The following PHIP variants were observed in gnomAD, a reference collection of about 807,000 sequenced individuals.
PHIP encodes the protein PHIP subunit of CUL4-Ring ligase complex, also known as PH-interacting protein.
In PHIP, 54 loss-of-function variants were observed where a neutral mutation model predicts 236.8. The ratio of observed to expected loss-of-function variants is 0.23; its 90% confidence interval spans 0.18 to 0.29. The LOEUF is 0.29. Among genes scored for constraint, PHIP ranks in the 10% least tolerant of loss-of-function variants. The probability of loss-of-function intolerance (pLI) is 1.00; values close to 1 mark genes in which losing one functional copy is unlikely to be tolerated. For synonymous variants in PHIP, 756 were observed against 718.9 expected, an observed-to-expected ratio of 1.05 and a Z score of -0.83; for missense variants, 1,370 against 2,190.8, an observed-to-expected ratio of 0.63 and a Z score of 7.48.
chr6:78,946,302 T>A (rs771053990), intron 37 of PHIP, 42 bp from the exon 38 acceptor site: 3 of 1,547,962 alleles, frequency 1.9e-6, no homozygotes, highest in Admixed American at 2.0e-5. Flanking sequence ...TATAGCTCTA[T>A]GTGAACGAAT....
chr6:78,997,506 G>A lies in PHIP; in HGVS notation c.2109C>T (p.Ser703=), dbSNP rs1202164994. ...TGGCTATTTCACTTCTTGGTGCGTT[G>A]CTGTGCATTTGCCGTACACCTTCAA... ...GQIEGVRQMH[S]NAPRSEIATE... Residue 703 remains serine (S), a synonymous_variant, in exon 19 of 40, where the codon AGC becomes AGT. Transcript: ENST00000275034. 6.2e-7 allele frequency: 1 copy of A among 1,613,976 alleles called. No homozygotes were observed. Among genetic ancestry groups the A allele is most frequent in the East Asian group, 2.2e-5 (1 of 44,862 alleles).
At chr6:79,007,657 T>G (rs1410980831) in intron 15 of PHIP, among the ~76,000 whole-genome samples, 2 of 67,332 alleles carry the variant, frequency 3.0e-5, no homozygotes, top group African/African-American at 6.8e-5. Flanking sequence ...TCTTGTTCTT[T>G]TTTTTTTTTT....
At chr6:78,994,089 A>G (rs753311404) in intron 19 of PHIP, among the ~76,000 whole-genome samples, 53 of 152,216 alleles carry the variant, frequency 3.5e-4, no homozygotes, top group Non-Finnish European at 2.5e-4. Flanking sequence ...AAGTTACTGT[A>G]GATGTAATGG....
intron 12 of PHIP, 114 bp from the exon 13 acceptor site, chr6:79,016,756 T>A (rs1321999653): frequency 1.6e-6 from 1 of 609,314 alleles, no homozygotes; most frequent in African/African-American, 1.9e-5. Flanking sequence ...TTATGCAGCA[T>A]TCTAATAACT....
chr6:79,076,984 C>T (rs1774192885), intron 4 of PHIP, among the ~76,000 whole-genome samples: 1 of 152,212 alleles, frequency 6.6e-6, no homozygotes, highest in Non-Finnish European at 1.5e-5. Context: ...TTGTGAAATG[C>T]TAATGCCACT....
At position 79,015,627 on chromosome 6, in the gene PHIP, C is replaced by T; in HGVS notation, c.1389+3G>A. 1 of 1,583,926 alleles carries T rather than the reference C, an allele frequency of 6.3e-7. No homozygotes were observed. The highest frequency in any genetic ancestry group is 1.4e-5 in the African/African-American group (1 of 73,224). Reference sequence around the variant, plus strand: ...TCAAATAAAGATTAGAATTTTTTCTCACCATCAGGACATGAATTAGTTGAC... The same window carrying T: ...TCAAATAAAGATTAGAATTTTTTCTTACCATCAGGACATGAATTAGTTGAC... On this transcript the variant is annotated splice_donor_region_variant and intron_variant, in intron 14 of 39. Coordinates refer to ENST00000275034, the MANE Select transcript of PHIP (RefSeq NM_017934.7).
chr6:78,998,407 C>G lies in PHIP; in HGVS notation c.1880-16G>C, dbSNP rs773498269. 16 of 1,609,178 alleles carry G rather than the reference C, an allele frequency of 9.9e-6. No homozygotes were observed. The highest frequency in any genetic ancestry group is 1.3e-5 in the African/African-American group (1 of 74,740). ...TGATTCAGTCCTATACAATACCACA[C>G]AAAATATTACGAATATTTTAGCTAC... On this transcript the variant is annotated splice_polypyrimidine_tract_variant and intron_variant, in intron 17 of 39. Coordinates refer to ENST00000275034, the MANE Select transcript of PHIP (RefSeq NM_017934.7).
intron 24 of PHIP, among the ~76,000 whole-genome samples, chr6:78,975,475 G>C (rs937465855): frequency 6.6e-6 from 1 of 152,186 alleles, no homozygotes. Flanking sequence ...AGACAGGGAT[G>C]CTCTCTCTCA....
rs1466899723 is a variant in PHIP at position 79,042,916 on chromosome 6, T to C, written c.527A>G (p.His176Arg). ...PTAVYQHMKMHKRILGHLSSV... is the reference protein window; with the variant it reads ...PTAVYQHMKMRKRILGHLSSV... Reference sequence around the variant, plus strand: ...TGACAAGTGTCCAAGAATTCGTTTATGCATTTTCATGTGCTGATACACTGC... The same window carrying C: ...TGACAAGTGTCCAAGAATTCGTTTACGCATTTTCATGTGCTGATACACTGC... Residue 176 changes from histidine (H) to arginine (R), a missense_variant, in exon 7 of 40, where the codon CAT (histidine) becomes CGT (arginine). By Grantham distance (29) the His-to-Arg change is conservative (BLOSUM62 0). Around this residue, in one of 14 missense-constraint regions of PHIP, gnomAD observed 82 missense variants for 203.2 expected, o/e 0.40. Transcript: ENST00000275034. The C allele has an allele frequency of 6.2e-7, 1 of 1,612,580 alleles. No homozygotes were observed. Among genetic ancestry groups the C allele is most frequent in the Admixed American group, 1.7e-5 (1 of 59,888 alleles).
chr6:79,048,063 C>T (rs1274521954), intron 6 of PHIP, among the ~76,000 whole-genome samples: 1 of 150,928 alleles, frequency 6.6e-6, no homozygotes, highest in Non-Finnish European at 1.5e-5. Flanking sequence ...TATGCCAATA[C>T]CAAAATTTTA....
intron 15 of PHIP, among the ~76,000 whole-genome samples, chr6:79,008,592 T>A (rs1452628959): frequency 6.6e-6 from 1 of 152,132 alleles, no homozygotes; most frequent in Non-Finnish European, 1.5e-5. Context: ...CTCTTAAGGA[T>A]TGTGACCCCT....
intron 19 of PHIP, among the ~76,000 whole-genome samples, chr6:78,995,816 C>G (rs1769571637): frequency 6.6e-6 from 1 of 152,018 alleles, no homozygotes. Context: ...TGAGGCTGAC[C>G]CATTTCAGAG....
chr6:78,988,465 A>G (rs1769008928), intron 20 of PHIP, 116 bp from the exon 21 acceptor site: 1 of 664,772 alleles, frequency 1.5e-6, no homozygotes, highest in Non-Finnish European at 2.4e-6. Context: ...GCGCATGCCT[A>G]TAGTCCCAGC....
chr6:79,068,949 T>C (rs1298756971), intron 4 of PHIP, among the ~76,000 whole-genome samples: 3 of 152,022 alleles, frequency 2.0e-5, no homozygotes, highest in Non-Finnish European at 2.9e-5. Flanking sequence ...TTCATCCTTA[T>C]GTTCTGAACA....
In PHIP at chr6:78,939,630, TACAC is replaced by T. The variant is rs113763282; in HGVS notation, c.*1059_*1062del. 2.0e-5 allele frequency: 3 copies of T among 151,970 alleles called. No homozygotes were observed. Among genetic ancestry groups the T allele is most frequent in the Non-Finnish European group, 2.9e-5 (2 of 67,830 alleles). 9.4% of individuals were successfully genotyped at this position (151,970 alleles called of 1,614,324 possible). ...ATACCCATTTATCAATATATACACA[TACAC>T]ACACAGACACGTTTCTTTGTAAGTC... On this transcript the variant is annotated 3_prime_UTR_variant, in exon 40 of 40. Transcript: ENST00000275034.
intron 24 of PHIP, among the ~76,000 whole-genome samples, chr6:78,971,472 C>A (rs987226886): frequency 2.0e-5 from 3 of 152,168 alleles, no homozygotes; most frequent in African/African-American, 4.8e-5. Context: ...TTTGGGATAG[C>A]CACTATCCCA....
chr6:79,042,835 T>C lies in PHIP; in HGVS notation c.600+8A>G. The C allele has an allele frequency of 1.3e-6, 2 of 1,573,608 alleles. No individual in the cohort carries two copies. Among genetic ancestry groups the C allele is most frequent in the Non-Finnish European group, 1.7e-6 (2 of 1,157,778 alleles). ...ATGAATATAAATAATACTTTAGCAATTACTTACAGTAAATATCCGTCTGCC... is the reference window on the plus strand; with the variant it reads ...ATGAATATAAATAATACTTTAGCAACTACTTACAGTAAATATCCGTCTGCC... On this transcript the variant is annotated splice_region_variant and intron_variant, in intron 7 of 39. Transcript: ENST00000275034.
intron 24 of PHIP, among the ~76,000 whole-genome samples, chr6:78,975,502 T>C (rs1041814130): frequency 6.6e-6 from 1 of 152,138 alleles, no homozygotes; most frequent in Non-Finnish European, 1.5e-5. Flanking sequence ...CTATTCAACA[T>C]AGTGATGGAA....
At chr6:79,016,668 C>A in intron 12 of PHIP, 26 bp from the exon 13 acceptor site, 1 of 1,439,048 alleles carries the variant, frequency 6.9e-7, no homozygotes. Context: ...TCCGATCCCC[C>A]AAAGAAAAAT....
Sources: allele counts gnomAD v4.1 joint callset (sites outside exome capture counted in the v4.1 genomes callset), GRCh38; gene constraint gnomAD v4.1.1; regional missense constraint gnomAD v4.1.1; transcripts MANE v1.5; gene names NCBI Gene and HGNC (gene_info 2026-07-23, HGNC 2026-07-21).